Variants in SVEP1 observed in about 807,000 individuals in gnomAD.
SVEP1 encodes the protein sushi, von Willebrand factor type A, EGF and pentraxin domain containing 1.
SVEP1 carries 164 observed loss-of-function variants against 367.3 expected under a neutral mutation model. The observed-to-expected ratio is 0.45, with a 90% CI of 0.39 to 0.51. The LOEUF is 0.51. Among genes scored for constraint, SVEP1 ranks in the 20% least tolerant of loss-of-function variants. The pLI, the probability that SVEP1 is intolerant of heterozygous loss-of-function variation, is 0.00. For missense variants in SVEP1, 4,117 were observed against 4,425.3 expected, an observed-to-expected ratio of 0.93 and a Z score of 1.98; for synonymous variants, 1,666 against 1,611.6, an observed-to-expected ratio of 1.03 and a Z score of -0.81.
Position 110,579,474 on chromosome 9 carries a change from T to C in SVEP1, c.70A>G (p.Met24Val). ...LVSGWATFQQ[M>V]SPSRNFSFRL... ...AAGCTGAAATTGCGCGACGGGGACA[T>C]CTGCTGAAAGGTCGCCCAGCCCGAA... is the stretch of plus-strand genomic sequence containing the variant. Residue 24 changes from methionine to valine, a missense_variant, in exon 1 of 48, where the codon ATG (methionine) becomes GTG (valine). Around this residue, in one of 4 missense-constraint regions of SVEP1, gnomAD observed 161 missense variants for 122.4 expected, o/e 1.32. Transcript: ENST00000374469. The surrounding 1 kb of genome is among the most constrained non-coding windows in gnomAD (Gnocchi z 5.3). 1 of 1,604,300 alleles carries C rather than the reference T, an allele frequency of 6.2e-7. No individual in the cohort carries two copies. Among genetic ancestry groups the C allele is most frequent in the Non-Finnish European group, 8.5e-7 (1 of 1,176,454 alleles).
At chr9:110,492,566 G>GA (rs1829383979) in intron 8 of SVEP1, among the ~76,000 whole-genome samples, 1 of 151,916 alleles carries the variant, frequency 6.6e-6, no homozygotes, top group Non-Finnish European at 1.5e-5. Context: ...CCTAAGAATG[G>GA]AAAAATCGCC....
intron 46 of SVEP1, among the ~76,000 whole-genome samples, chr9:110,371,142 A>T (rs1224032427): frequency 3.3e-5 from 5 of 152,186 alleles, no homozygotes; most frequent in Non-Finnish European, 4.4e-5. Flanking sequence ...AGCAGAATAC[A>T]CTTATTAGCA....
In SVEP1 at chr9:110,436,372, G is replaced by A; in HGVS notation, c.4764+8C>T. On this transcript the variant is annotated splice_region_variant and intron_variant, in intron 28 of 47. Transcript: ENST00000374469. ...TCATTACTGTCATACACTGAAAATG[G>A]AATTGACCTGCTGTGGAGACAGGAC... The A allele has an allele frequency of 6.2e-7, 1 of 1,613,786 alleles. No individual in the cohort carries two copies. The highest frequency in any genetic ancestry group is 8.5e-7 in the Non-Finnish European group (1 of 1,179,796).
chr9:110,514,194 A>G (rs543816873), intron 3 of SVEP1, 88 bp from the exon 4 acceptor site: 13 of 1,501,674 alleles, frequency 8.7e-6, no homozygotes, highest in Non-Finnish European at 1.2e-5. Context: ...TGGGAGAGAA[A>G]GCCAAACAAT....
At chr9:110,549,722 A>C in intron 2 of SVEP1, 127 bp downstream of exon 2, 5 of 1,192,838 alleles carry the variant, frequency 4.2e-6, no homozygotes, top group Non-Finnish European at 5.9e-6. Flanking sequence ...CCCAAAGGAC[A>C]CATGGGCATC....
In SVEP1 at chr9:110,446,020, T is replaced by G; in HGVS notation, c.4280A>C (p.Asn1427Thr). The change falls in exon 26 of 48, where the codon AAC (asparagine) becomes ACC (threonine). Residue 1427 changes from asparagine to threonine, a missense_variant. By Grantham distance (65) the Asn-to-Thr change is moderately conservative. Transcript: ENST00000374469. ...RCETEQSTGFNLDFEVSGIYG... is the reference protein window; with the variant it reads ...RCETEQSTGFTLDFEVSGIYG... Reference sequence around the variant, plus strand: ...GATGCCAGAAACTTCAAAATCCAGGTTAAAGCCTGTAGACTGTTCTGCAAT... The same window carrying G: ...GATGCCAGAAACTTCAAAATCCAGGGTAAAGCCTGTAGACTGTTCTGCAAT... 6.2e-7 allele frequency: 1 copy of G among 1,612,164 alleles called. No homozygotes were observed. The highest frequency in any genetic ancestry group is 8.5e-7 in the Non-Finnish European group (1 of 1,178,900).
chr9:110,432,732 T>C (rs1361218750), intron 30 of SVEP1, 97 bp from the exon 31 acceptor site: 3 of 1,385,008 alleles, frequency 2.2e-6, no homozygotes, highest in Non-Finnish European at 2.9e-6. Context: ...AAGCATGACA[T>C]TTTTACTGAA....
Position 110,579,013 on chromosome 9 carries a change from C to T in SVEP1, c.531G>A (p.Ala177=), listed in dbSNP as rs1389219680. 3 of 1,545,788 alleles carry T rather than the reference C, an allele frequency of 1.9e-6. No homozygotes were observed. Among genetic ancestry groups the T allele is most frequent in the Non-Finnish European group, 2.6e-6 (3 of 1,146,340 alleles). ...GGGTCGGGAGGGGCGGGCGCCTTAC[C>T]GCGGCTTGCTGGAAGGCGCCCTTGG... ...TYTKGAFQQA[A]QILLHARENS... The change falls in exon 1 of 48, where the codon GCG becomes GCA. Residue 177 remains alanine (A), a splice_region_variant and synonymous_variant. Coordinates refer to ENST00000374469, the MANE Select transcript of SVEP1 (RefSeq NM_153366.4). This position sits in a 1 kb window ranked among gnomAD's most constrained non-coding sequence, Gnocchi z 5.3.
At chr9:110,487,082 G>A (rs1221228051) in intron 9 of SVEP1, among the ~76,000 whole-genome samples, 2 of 152,070 alleles carry the variant, frequency 1.3e-5, no homozygotes, top group East Asian at 1.9e-4. Flanking sequence ...TCAGTCTCCC[G>A]AGTAGCTGGG....
intron 3 of SVEP1, among the ~76,000 whole-genome samples, chr9:110,534,307 C>G (rs1308806779): frequency 6.6e-6 from 1 of 152,140 alleles, no homozygotes; most frequent in East Asian, 1.9e-4. Context: ...TGTTAGTTTG[C>G]TCAGGATAAT....
chr9:110,398,395 A>G (rs972575811), intron 40 of SVEP1, among the ~76,000 whole-genome samples: 3 of 152,218 alleles, frequency 2.0e-5, no homozygotes, highest in Non-Finnish European at 4.4e-5. Flanking sequence ...AATCCCTAGA[A>G]GAAAACTTAG....
intron 47 of SVEP1, among the ~76,000 whole-genome samples, chr9:110,367,518 A>C (rs1464713515): frequency 2.0e-5 from 3 of 152,188 alleles, no homozygotes; most frequent in Non-Finnish European, 4.4e-5. Context: ...GGAAAAACTT[A>C]TACGGTAACA....
rs374523152 is a variant in SVEP1, at chr9:110,555,949, T to C, written c.532-5845A>G. 1.6e-3 allele frequency among the ~76,000 whole-genome samples: 249 copies of C among 152,332 alleles called. 1 individual carries two copies. The highest frequency in any genetic ancestry group is 5.7e-3 in the African/African-American group (237 of 41,572). On this transcript the variant is annotated intron_variant, in intron 1 of 47. Coordinates refer to ENST00000374469, the MANE Select transcript of SVEP1 (RefSeq NM_153366.4). ...AATGTATTAGAAGGCCAGCACTTGA[T>C]TCTCTTTTCAATGTTCCTGAAATAG... is the stretch of plus-strand genomic sequence containing the variant.
chr9:110,471,407 G>A lies in SVEP1; in HGVS notation c.2955C>T (p.Ser985=). 6.2e-7 allele frequency: 1 copy of A among 1,613,956 alleles called. No individual in the cohort carries two copies. The highest frequency in any genetic ancestry group is 1.1e-5 in the South Asian group (1 of 91,072). Residue 985 remains serine (S), a synonymous_variant, in exon 16 of 48, where the codon TCC becomes TCT. Coordinates refer to ENST00000374469, the MANE Select transcript of SVEP1 (RefSeq NM_153366.4). ...GCACTGAGCCTGGTCTGCAGAAGGG[G>A]GAAGCCTTTTTTGTTTCTAATGAAT... The part of the protein sequence containing the change: ...DSNSLETKKA[S]PFCRPGSVLR...
intron 3 of SVEP1, among the ~76,000 whole-genome samples, chr9:110,527,548 TAGAGG>T (rs1375424049): frequency 3.9e-5 from 6 of 152,156 alleles, no homozygotes; most frequent in Admixed American, 3.3e-4. Flanking sequence ...CATCCTTAAT[TAGAGG>T]AAAGTATCAA....
intron 26 of SVEP1, among the ~76,000 whole-genome samples, chr9:110,445,408 A>G (rs959313393): frequency 3.9e-5 from 6 of 152,208 alleles, no homozygotes. Context: ...CAATGATGTC[A>G]CTGAAATCCC....
At chr9:110,556,791 A>G (rs1161646412) in intron 1 of SVEP1, among the ~76,000 whole-genome samples, 2 of 152,168 alleles carry the variant, frequency 1.3e-5, no homozygotes, top group African/African-American at 2.4e-5. Context: ...ACTTGGCCAT[A>G]ACGTTATCTT....
At chr9:110,490,224 G>A (rs1829347056) in intron 8 of SVEP1, among the ~76,000 whole-genome samples, 1 of 151,898 alleles carries the variant, frequency 6.6e-6, no homozygotes, top group African/African-American at 2.4e-5. Flanking sequence ...GATGTACATA[G>A]TTTCAAGGTA....
chr9:110,413,891 G>A (rs1828080832), intron 36 of SVEP1, among the ~76,000 whole-genome samples: 1 of 151,954 alleles, frequency 6.6e-6, no homozygotes, highest in Admixed American at 6.5e-5. Context: ...AAATAATTGA[G>A]TACCTAGTTT....
Sources: gnomAD v4.1 joint callset for allele counts (sites outside exome capture counted in the v4.1 genomes callset) on GRCh38, gnomAD v4.1.1 for gene constraint, gnomAD v4.1.1 regional missense constraint, Gnocchi (gnomAD v3.1) non-coding constraint, MANE v1.5 for transcripts, NCBI Gene and HGNC (gene_info 2026-07-23, HGNC 2026-07-21) for gene names.